Variants in EBLN1 observed in about 807,000 individuals in gnomAD.
The protein encoded by EBLN1 is endogenous Bornavirus-like nucleoprotein 1.
EBLN1 carries 1 observed loss-of-function variant against 0.8 expected under a neutral mutation model. The observed-to-expected ratio is 1.32, with a 90% CI of 0.47 to 6.26. The LOEUF is 6.26. Ranked by LOEUF, EBLN1 falls within the 30% of genes most tolerant of loss-of-function variation. EBLN1 has a pLI of 0.15. For missense variants in EBLN1, 396 were observed against 447.9 expected, an observed-to-expected ratio of 0.88 and a Z score of 1.05; for synonymous variants, 158 against 158.5, an observed-to-expected ratio of 1.00 and a Z score of 0.02.
intron 2 of EBLN1, among the ~76,000 whole-genome samples, chr10:22,210,688 T>C (rs1273098058): frequency 1.3e-5 from 2 of 152,204 alleles, no homozygotes; most frequent in African/African-American, 4.8e-5. Context: ...CATATTTCAT[T>C]GTGCAGAACC....
intron 2 of EBLN1, among the ~76,000 whole-genome samples, chr10:22,212,598 T>C (rs1834763394): frequency 6.6e-6 from 1 of 152,096 alleles, no homozygotes; most frequent in Non-Finnish European, 1.5e-5. Flanking sequence ...TTGAATAATT[T>C]CTAGAATGAA....
chr10:22,210,238 C>T (rs1327139525), intron 2 of EBLN1, among the ~76,000 whole-genome samples: 1 of 152,104 alleles, frequency 6.6e-6, no homozygotes, highest in Admixed American at 6.5e-5. Flanking sequence ...AAAATCCTTT[C>T]CCCTGTCAAC....
chr10:22,211,139 TTTCTC>T lies in EBLN1; in HGVS notation c.-44-1117_-44-1113del, dbSNP rs1834749603. On this transcript the variant is annotated intron_variant, in intron 2 of 2. Coordinates refer to ENST00000422359, the MANE Select transcript of EBLN1 (RefSeq NM_001394757.1). The stretch of plus-strand genomic sequence containing the variant: ...ATTACATGGTCATTCATTCCTTTCT[TTTCTC>T]GTCTCTTAATGCAATGAAAGGTTAT... Among the ~76,000 whole-genome samples the T allele has an allele frequency of 5.3e-5, 8 of 152,344 alleles. No individual in the cohort carries two copies. In the South Asian group the frequency reaches 1.7e-3, roughly 32 times the overall value.
intron 1 of EBLN1, among the ~76,000 whole-genome samples, chr10:22,217,257 C>A (rs1359869568): frequency 6.6e-6 from 1 of 152,202 alleles, no homozygotes; most frequent in Non-Finnish European, 1.5e-5. Flanking sequence ...TCCTGAGTAT[C>A]TGAGATTATA....
chr10:22,209,017 C>T lies in EBLN1; in HGVS notation c.967G>A (p.Asp323Asn), dbSNP rs1451757821. 2 of 1,535,908 alleles carry T rather than the reference C, an allele frequency of 1.3e-6. No homozygotes were observed. The highest frequency in any genetic ancestry group is 3.9e-5 in the Admixed American group (2 of 50,990). ...NSTFSGFEAL[D>N]IIPGSTITFP... is the part of the protein sequence containing the mutation. ...GTAATAGTTGATCCTGGTATAATGT[C>T]AAGGGCTTCAAATCCAGAAAATGTG... Residue 323 changes from aspartate to asparagine, a missense_variant, in exon 3 of 3, where the codon GAC (aspartate) becomes AAC (asparagine). Asp to Asn is a conservative substitution (Grantham distance 23). Coordinates refer to ENST00000422359, the MANE Select transcript of EBLN1 (RefSeq NM_001394757.1).
At position 22,209,962 on chromosome 10, in the gene EBLN1, G is replaced by T; in HGVS notation, c.22C>A (p.Pro8Thr). 1 of 1,418,294 alleles carries T rather than the reference G, an allele frequency of 7.1e-7. No homozygotes were observed. The highest frequency in any genetic ancestry group is 9.2e-7 in the Non-Finnish European group (1 of 1,090,096). 87.9% of individuals were successfully genotyped at this position (1,418,294 alleles called of 1,614,324 possible). A position where few individuals can be genotyped will look rare whatever the true frequency, so the allele number is the denominator to read the frequency against. Residue 8 changes from proline to threonine, a missense_variant, in exon 3 of 3, where the codon CCA (proline) becomes ACA (threonine). Pro to Thr is a conservative substitution (Grantham distance 38, BLOSUM62 -1). Coordinates refer to ENST00000422359, the MANE Select transcript of EBLN1 (RefSeq NM_001394757.1). MSRPRNNPQTSSPQDSTK... is the reference protein window; with the variant it reads MSRPRNNTQTSSPQDSTK... Reference sequence around the variant, plus strand: ...CTGTCTTGTGGGCTGCTGGTCTGTGGGTTGTTTCTTGGGCGGGACATTGTG... The same window carrying T: ...CTGTCTTGTGGGCTGCTGGTCTGTGTGTTGTTTCTTGGGCGGGACATTGTG...
Position 22,209,367 on chromosome 10 carries a change from A to G in EBLN1, c.617T>C (p.Met206Thr), listed in dbSNP as rs1298353196. ...INSRPWVGGL[M>T]FTFLFGEFES... is the part of the protein sequence containing the mutation. ...AAATTCTCCAAATAGAAATGTGAACATTAATCCTCCAACCCATGGTCTTGA... is the reference window on the plus strand; with the variant it reads ...AAATTCTCCAAATAGAAATGTGAACGTTAATCCTCCAACCCATGGTCTTGA... The change falls in exon 3 of 3, where the codon ATG (methionine) becomes ACG (threonine). Residue 206 changes from methionine (M) to threonine (T), a missense_variant. Coordinates refer to ENST00000422359, the MANE Select transcript of EBLN1 (RefSeq NM_001394757.1). 16 of 1,605,542 alleles carry G rather than the reference A, an allele frequency of 1.0e-5. No individual in the cohort carries two copies. Among genetic ancestry groups the G allele is most frequent in the Non-Finnish European group, 1.2e-5 (14 of 1,179,848 alleles).
intron 1 of EBLN1, among the ~76,000 whole-genome samples, chr10:22,217,679 C>T (rs2131947346): frequency 6.6e-6 from 1 of 152,244 alleles, no homozygotes; most frequent in East Asian, 1.9e-4. Context: ...TCTGACTACA[C>T]CATGATATAA....
chr10:22,212,685 G>A (rs933386712), intron 2 of EBLN1, among the ~76,000 whole-genome samples, 157 bp downstream of exon 2: 3 of 151,778 alleles, frequency 2.0e-5, no homozygotes, highest in Non-Finnish European at 2.9e-5. Flanking sequence ...GTGGTGTCTC[G>A]TGCCTGTAAT....
At chr10:22,215,925 GAA>G (rs1834789034) in intron 1 of EBLN1, among the ~76,000 whole-genome samples, 1 of 152,114 alleles carries the variant, frequency 6.6e-6, no homozygotes, top group African/African-American at 2.4e-5. Flanking sequence ...GATATCAAGA[GAA>G]AATGACAGTA....
chr10:22,208,657 T>A lies in EBLN1; in HGVS notation c.*226A>T, dbSNP rs1189775475. Among the ~76,000 whole-genome samples, 1 of 152,182 alleles carries A rather than the reference T, an allele frequency of 6.6e-6. No homozygotes were observed. Among genetic ancestry groups the A allele is most frequent in the African/African-American group, 2.4e-5 (1 of 41,440 alleles). The stretch of plus-strand genomic sequence containing the variant: ...TCAAAATTCTACATGTCAAAGCATA[T>A]TTTTGGCCTCCAGTACTTAAAAAGA... On this transcript the variant is annotated 3_prime_UTR_variant, in exon 3 of 3. Coordinates refer to ENST00000422359, the MANE Select transcript of EBLN1 (RefSeq NM_001394757.1).
chr10:22,208,911 C>A lies in EBLN1; in HGVS notation c.1073G>T (p.Arg358Leu), dbSNP rs1001853304. 1.3e-6 allele frequency: 2 copies of A among 1,531,834 alleles called. No homozygotes were observed. The highest frequency in any genetic ancestry group is 1.7e-4 in the Middle Eastern group (1 of 5,960). 94.9% of individuals were successfully genotyped at this position (1,531,834 alleles called of 1,614,324 possible). ...TTCAAATCCCGAAATCCCATAACCG[C>A]GAAGGATGTTAAGTGTATATGGATC... ...DMDPYTLNIL[R>L]GYGISGFE The change falls in exon 3 of 3, where the codon CGC (arginine) becomes CTC (leucine). Residue 358 changes from arginine to leucine, a missense_variant. Coordinates refer to ENST00000422359, the MANE Select transcript of EBLN1 (RefSeq NM_001394757.1).
intron 2 of EBLN1, among the ~76,000 whole-genome samples, chr10:22,212,605 T>C (rs10508641): frequency 0.064 from 9,709 of 152,064 alleles, 722 homozygotes; most frequent in African/African-American, 0.18. Flanking sequence ...ATTTCTAGAA[T>C]GAAAACTGTT....
At chr10:22,215,196 T>C (rs532038258) in intron 1 of EBLN1, among the ~76,000 whole-genome samples, 2 of 152,262 alleles carry the variant, frequency 1.3e-5, no homozygotes, top group East Asian at 3.9e-4. Flanking sequence ...GTTGGAGTGA[T>C]GAAAATGTTG....
At chr10:22,214,245 G>T (rs186362272) in intron 1 of EBLN1, among the ~76,000 whole-genome samples, 1 of 151,178 alleles carries the variant, frequency 6.6e-6, no homozygotes, top group Non-Finnish European at 1.5e-5. Flanking sequence ...ATACATTAAT[G>T]TGATTCAAAC....
chr10:22,215,817 T>C (rs998133419), intron 1 of EBLN1, among the ~76,000 whole-genome samples: 1 of 152,158 alleles, frequency 6.6e-6, no homozygotes, highest in African/African-American at 2.4e-5. Flanking sequence ...TGTTTGGTGA[T>C]AGTGGAATAG....
intron 2 of EBLN1, among the ~76,000 whole-genome samples, chr10:22,211,749 G>A (rs1319334856): frequency 2.0e-5 from 3 of 151,770 alleles, no homozygotes; most frequent in African/African-American, 4.8e-5. Flanking sequence ...CTCATCCCAC[G>A]CTACCCCACG....
rs1834714598 is a variant in EBLN1, at chr10:22,208,656, A to G, written c.*227T>C. 6.6e-6 allele frequency among the ~76,000 whole-genome samples: 1 copy of G among 152,174 alleles called. No individual in the cohort carries two copies. Among genetic ancestry groups the G allele is most frequent in the Non-Finnish European group, 1.5e-5 (1 of 68,032 alleles). ...TTCAAAATTCTACATGTCAAAGCAT[A>G]TTTTTGGCCTCCAGTACTTAAAAAG... On this transcript the variant is annotated 3_prime_UTR_variant, in exon 3 of 3. Coordinates refer to ENST00000422359, the MANE Select transcript of EBLN1 (RefSeq NM_001394757.1).
intron 2 of EBLN1, among the ~76,000 whole-genome samples, chr10:22,212,258 C>T (rs971822585): frequency 6.6e-6 from 1 of 152,084 alleles, no homozygotes; most frequent in African/African-American, 2.4e-5. Context: ...GTCCATTTTT[C>T]TGTTGTCCTA....
Sources: gnomAD v4.1 joint callset for allele counts (sites outside exome capture counted in the v4.1 genomes callset) on GRCh38, gnomAD v4.1.1 for gene constraint, MANE v1.5 for transcripts, NCBI Gene and HGNC (gene_info 2026-07-23, HGNC 2026-07-21) for gene names.